Variants in CSTL1 observed in about 807,000 individuals in gnomAD.
The protein encoded by CSTL1 is cystatin like 1, also known as cystatin-like 1.
CSTL1 carries 14 observed loss-of-function variants against 14.4 expected under a neutral mutation model. That is an observed-to-expected ratio of 0.97 (90% confidence interval 0.64 to 1.52). The LOEUF (loss-of-function observed/expected upper bound fraction) is 1.52. CSTL1 is among the 40% of genes most tolerant of loss of function. The pLI is 0.00. For synonymous variants in CSTL1, 72 were observed against 67.5 expected (o/e 1.07, Z -0.33); for missense variants, 170 against 168.7 (o/e 1.01, Z -0.04).
the CSTL1 span, among the ~76,000 whole-genome samples, chr20:23,456,592 C>T: frequency 9.2e-5 from 14 of 152,302 alleles, no homozygotes; most frequent in Middle Eastern, 0.014. Context: ...AGCAGCCCCT[C>T]CCCTGCAGCT....
At chr20:23,460,608 C>CT in the CSTL1 span, among the ~76,000 whole-genome samples, 1,673 of 152,048 alleles carry the variant, frequency 0.011, 38 homozygotes, top group African/African-American at 0.038. Context: ...AGACAGGTGC[C>CT]TTTCTCTGAA....
At chr20:23,451,928 C>T in the CSTL1 span, 161 of 1,607,766 alleles carry the variant, frequency 1.0e-4, 1 homozygote, top group East Asian at 7.6e-4. Flanking sequence ...GACCTGTGGG[C>T]GCCAGGCGTG....
the CSTL1 span, chr20:23,451,788 T>A: frequency 6.5e-7 from 1 of 1,529,764 alleles, no homozygotes; most frequent in Non-Finnish European, 9.0e-7. Context: ...AGGACTTCTG[T>A]CTACGTTAAA....
chr20:23,459,073 A>G, the CSTL1 span: 1 of 152,268 alleles, frequency 6.6e-6, no homozygotes, highest in Non-Finnish European at 1.5e-5. Context: ...ACAGCTGCTC[A>G]TATTCCTGGA....
At chr20:23,452,236 A>G in the CSTL1 span, among the ~76,000 whole-genome samples, 2 of 152,158 alleles carry the variant, frequency 1.3e-5, no homozygotes, top group African/African-American at 4.8e-5. Flanking sequence ...CTTACGTTTT[A>G]TTGGCCATGT....
chr20:23,445,345 C>T (rs182314652), downstream of CSTL1, among the ~76,000 whole-genome samples: 644 of 152,050 alleles, frequency 4.2e-3, 12 homozygotes, highest in Admixed American at 0.036. Flanking sequence ...TTGACTTCCC[C>T]GGGCTCAAGT....
At position 23,444,722 on chromosome 20, in the gene CSTL1, C is replaced by A. The variant is rs372307650; in HGVS notation, c.331-49C>A. On this transcript the variant is annotated intron_variant, in intron 3 of 3. Coordinates refer to ENST00000347397, the MANE Select transcript of CSTL1 (RefSeq NM_138283.1). ...CTGGGGAACAGGTGCCTGTTGCTTGCCTTTGAAAAATACTTCCCCCAAAGT... is the reference window on the plus strand; with the variant it reads ...CTGGGGAACAGGTGCCTGTTGCTTGACTTTGAAAAATACTTCCCCCAAAGT... 4.6e-6 allele frequency: 6 copies of A among 1,305,744 alleles called. No individual in the cohort carries two copies. In the South Asian group the frequency reaches 7.1e-5, roughly 15 times the overall value. The allele number at this position is 1,305,744 out of a possible 1,614,324, so 80.9% of individuals were successfully genotyped here.
chr20:23,460,866 AC>A, the CSTL1 span, among the ~76,000 whole-genome samples: 2 of 152,118 alleles, frequency 1.3e-5, no homozygotes, highest in African/African-American at 4.8e-5. Flanking sequence ...ACCTGCCTCC[AC>A]CTTTTGGTTC....
At chr20:23,442,781 G>A (rs1423312162) in intron 2 of CSTL1, among the ~76,000 whole-genome samples, 2 of 152,186 alleles carry the variant, frequency 1.3e-5, no homozygotes, top group African/African-American at 4.8e-5. Context: ...AGATGACCAA[G>A]CCCTCTCACT....
chr20:23,440,609 A>T (rs1353037727), intron 2 of CSTL1, 123 bp downstream of exon 2: 1 of 786,878 alleles, frequency 1.3e-6, no homozygotes, highest in Non-Finnish European at 2.3e-6. Flanking sequence ...CCAAGGGGGA[A>T]GCATCTTCAC....
chr20:23,444,879 G>A lies in CSTL1; in HGVS notation c.*1G>A, dbSNP rs747958721. ...GCATGTGGGCAGAAACCTCAGATGA[G>A]GGCTCATATGATTGAGTTGTGCACT... On this transcript the variant is annotated 3_prime_UTR_variant, in exon 4 of 4. Coordinates refer to ENST00000347397, the MANE Select transcript of CSTL1 (RefSeq NM_138283.1). 5 of 1,596,422 alleles carry A rather than the reference G, an allele frequency of 3.1e-6. No individual in the cohort carries two copies. The highest frequency in any genetic ancestry group is 2.7e-5 in the African/African-American group (2 of 74,464).
the CSTL1 span, among the ~76,000 whole-genome samples, chr20:23,453,555 A>G: frequency 7.2e-5 from 11 of 152,260 alleles, no homozygotes; most frequent in African/African-American, 2.6e-4. Flanking sequence ...CTTGGCTGCC[A>G]GTTAGAGAAG....
At chr20:23,460,345 C>G in the CSTL1 span, among the ~76,000 whole-genome samples, 2 of 152,128 alleles carry the variant, frequency 1.3e-5, no homozygotes. Context: ...TCAGAAGTAT[C>G]CTTTGTATTT....
intron 2 of CSTL1, among the ~76,000 whole-genome samples, chr20:23,441,607 A>G (rs896545069): frequency 5.3e-5 from 8 of 152,216 alleles, no homozygotes; most frequent in African/African-American, 1.9e-4. Flanking sequence ...ATTAATTATA[A>G]TAAGTGGTAC....
the CSTL1 span, among the ~76,000 whole-genome samples, chr20:23,453,738 G>T: frequency 6.6e-6 from 1 of 152,130 alleles, no homozygotes; most frequent in South Asian, 2.1e-4. Context: ...AGGAGCCCTG[G>T]GCACACCCAA....
the CSTL1 span, chr20:23,459,204 TCTC>T: frequency 1.3e-5 from 2 of 152,368 alleles, no homozygotes; most frequent in East Asian, 3.9e-4. Context: ...TGCAAGCTGT[TCTC>T]CTTCCACTGC....
At chr20:23,452,319 C>T in the CSTL1 span, among the ~76,000 whole-genome samples, 1 of 152,214 alleles carries the variant, frequency 6.6e-6, no homozygotes, top group African/African-American at 2.4e-5. Flanking sequence ...CAGGCATGCT[C>T]ATGGCTAGGT....
intron 2 of CSTL1, among the ~76,000 whole-genome samples, chr20:23,443,057 G>T (rs371208797): frequency 6.6e-6 from 1 of 152,154 alleles, no homozygotes; most frequent in East Asian, 1.9e-4. Context: ...CCTGGCATGC[G>T]TTCTCCATGG....
At chr20:23,459,684 C>T in the CSTL1 span, among the ~76,000 whole-genome samples, 7 of 152,138 alleles carry the variant, frequency 4.6e-5, no homozygotes, top group East Asian at 7.7e-4. Flanking sequence ...ACTGGCATGG[C>T]GCAGGATTTA....
Sources: allele counts gnomAD v4.1 joint callset (sites outside exome capture counted in the v4.1 genomes callset), GRCh38; gene constraint gnomAD v4.1.1; transcripts MANE v1.5; gene names NCBI Gene and HGNC (gene_info 2026-07-23, HGNC 2026-07-21).